The following ERC2 variants were observed in gnomAD, a reference collection of about 807,000 sequenced individuals.
ERC2 encodes the protein ELKS/RAB6-interacting/CAST family member 2, also known as ERC protein 2.
In ERC2, 42 loss-of-function variants were observed where a neutral mutation model predicts 114.8. The observed-to-expected ratio is 0.37, with a 90% CI of 0.29 to 0.47. The LOEUF (loss-of-function observed/expected upper bound fraction) is 0.47. ERC2 is among the 20% of genes least tolerant of loss of function. The pLI, the probability that ERC2 is intolerant of heterozygous loss-of-function variation, is 0.99. For synonymous variants in ERC2, 454 were observed against 425.5 expected (o/e 1.07, Z -0.82); for missense variants, 939 against 1,150.7 (o/e 0.82, Z 2.66).
intron 2 of ERC2, among the ~76,000 whole-genome samples, chr3:56,305,957 C>A: frequency 6.6e-6 from 1 of 152,174 alleles, no homozygotes. Context: ...TCAAGTAAGT[C>A]TCATGCCTCG....
chr3:56,036,714 T>C (rs1056545021), intron 7 of ERC2, among the ~76,000 whole-genome samples: 1 of 152,166 alleles, frequency 6.6e-6, no homozygotes, highest in Admixed American at 6.5e-5. Flanking sequence ...TGAGTAATTG[T>C]GCTACCCTGC....
intron 2 of ERC2, among the ~76,000 whole-genome samples, chr3:56,304,696 A>G (rs1253035382): frequency 6.6e-6 from 1 of 152,242 alleles, no homozygotes; most frequent in Non-Finnish European, 1.5e-5. Flanking sequence ...TAGGAATTAG[A>G]GGATACTTCA....
At chr3:55,910,287 G>A (rs1373691837) in intron 13 of ERC2, among the ~76,000 whole-genome samples, 1 of 151,970 alleles carries the variant, frequency 6.6e-6, no homozygotes, top group Non-Finnish European at 1.5e-5. Context: ...AGCTACTCCG[G>A]AGGCTGAGGC....
chr3:56,262,045 C>T (rs963015413), intron 3 of ERC2, among the ~76,000 whole-genome samples: 6 of 152,310 alleles, frequency 3.9e-5, no homozygotes, highest in African/African-American at 1.2e-4. Flanking sequence ...GACACGATCT[C>T]ATTCTTTTTC....
chr3:56,051,826 AACACACAC>A (rs370057271), intron 7 of ERC2, among the ~76,000 whole-genome samples: 8,033 of 129,772 alleles, frequency 0.062, 200 homozygotes, highest in South Asian at 0.1. Context: ...CTCCATCTCA[AACACACAC>A]ACACACACAC....
intron 1 of ERC2, among the ~76,000 whole-genome samples, chr3:56,461,027 G>A (rs2063295423): frequency 6.7e-6 from 1 of 148,838 alleles, no homozygotes; most frequent in Non-Finnish European, 1.5e-5. Flanking sequence ...AGAACAGTGA[G>A]GTGCACTATA....
chr3:55,933,425 C>T (rs1332568196), intron 13 of ERC2, among the ~76,000 whole-genome samples: 1 of 152,174 alleles, frequency 6.6e-6, no homozygotes, highest in Non-Finnish European at 1.5e-5. Flanking sequence ...CACAATTCTT[C>T]AGCCATGAGA....
intron 14 of ERC2, among the ~76,000 whole-genome samples, chr3:55,816,273 T>C (rs1235458862): frequency 1.3e-5 from 2 of 152,192 alleles, no homozygotes; most frequent in Non-Finnish European, 2.9e-5. Flanking sequence ...CCTCCATCCC[T>C]ACTTGCTGCT....
At chr3:55,512,052 G>A (rs190067706) in intron 17 of ERC2, among the ~76,000 whole-genome samples, 2 of 152,314 alleles carry the variant, frequency 1.3e-5, no homozygotes, top group East Asian at 3.9e-4. Flanking sequence ...TGGGAAATAT[G>A]GCAGGGAGAG....
chr3:55,942,455 ATT>A lies in ERC2; in HGVS notation c.2403+7968_2403+7969del, dbSNP rs548251381. ...AGGCGCCCGCCACTACGCCCGGCTA[ATT>A]TTTTTTTTTTTTTGTATTTTTAGTA... On this transcript the variant is annotated intron_variant, in intron 13 of 17. Coordinates refer to ENST00000288221, the MANE Select transcript of ERC2 (RefSeq NM_015576.3). 5.2e-5 allele frequency among the ~76,000 whole-genome samples: 7 copies of A among 135,750 alleles called. No individual in the cohort carries two copies. In the East Asian group the frequency reaches 8.6e-4, roughly 17 times the overall value. 89.1% of individuals were successfully genotyped at this position (135,750 alleles called of 152,430 possible). A position where few individuals can be genotyped will look rare whatever the true frequency, so the allele number is the denominator to read the frequency against.
At chr3:56,308,456 G>A (rs1177026978) in intron 2 of ERC2, among the ~76,000 whole-genome samples, 1 of 152,164 alleles carries the variant, frequency 6.6e-6, no homozygotes, top group African/African-American at 2.4e-5. Context: ...ATAGCTACTG[G>A]AGTCAGAATC....
chr3:55,976,473 C>G (rs1559961844), intron 12 of ERC2, among the ~76,000 whole-genome samples: 1 of 152,154 alleles, frequency 6.6e-6, no homozygotes, highest in Non-Finnish European at 1.5e-5. Flanking sequence ...CCTTATAACT[C>G]CATTTCTTTA....
chr3:55,648,902 G>T (rs2060499079), intron 17 of ERC2, among the ~76,000 whole-genome samples: 1 of 152,054 alleles, frequency 6.6e-6, no homozygotes, highest in Non-Finnish European at 1.5e-5. Context: ...CAGAGAGAGG[G>T]TACAAGTGGG....
chr3:56,453,391 T>G (rs986988166), intron 1 of ERC2, among the ~76,000 whole-genome samples: 3 of 152,196 alleles, frequency 2.0e-5, no homozygotes, highest in African/African-American at 7.2e-5. Flanking sequence ...AGACAACCCC[T>G]GAGAGAAAGA....
At chr3:56,368,041 C>G (rs2059218039) in intron 2 of ERC2, among the ~76,000 whole-genome samples, 1 of 150,394 alleles carries the variant, frequency 6.6e-6, no homozygotes, top group South Asian at 2.1e-4. Flanking sequence ...TGACCAAAAA[C>G]TATCTACTGG....
At chr3:56,448,168 C>T (rs554250942) in intron 1 of ERC2, among the ~76,000 whole-genome samples, 1 of 152,278 alleles carries the variant, frequency 6.6e-6, no homozygotes, top group South Asian at 2.1e-4. Context: ...CCCAAAAGCA[C>T]TTCCATACCT....
intron 1 of ERC2, among the ~76,000 whole-genome samples, chr3:56,466,331 T>C (rs2063543753): frequency 6.6e-6 from 1 of 152,186 alleles, no homozygotes; most frequent in African/African-American, 2.4e-5. Context: ...GCTCTTTGGA[T>C]CAATCAGTAA....
chr3:56,291,353 C>A (rs963870036), intron 3 of ERC2, among the ~76,000 whole-genome samples: 1 of 152,182 alleles, frequency 6.6e-6, no homozygotes, highest in African/African-American at 2.4e-5. Flanking sequence ...GGAGTTCCTG[C>A]GCAATGGTTT....
chr3:55,801,362 A>G (rs147400632), intron 14 of ERC2, among the ~76,000 whole-genome samples: 3 of 152,172 alleles, frequency 2.0e-5, no homozygotes, highest in Non-Finnish European at 4.4e-5. Context: ...GTTTATAAGA[A>G]TATTTTCTGG....
Sources: allele counts gnomAD v4.1 joint callset (sites outside exome capture counted in the v4.1 genomes callset), GRCh38; gene constraint gnomAD v4.1.1; transcripts MANE v1.5; gene names NCBI Gene and HGNC (gene_info 2026-07-23, HGNC 2026-07-21).